Variants in EXT1 observed in about 807,000 individuals in gnomAD.
The protein encoded by EXT1 is exostosin glycosyltransferase 1.
In EXT1, 20 loss-of-function variants were observed where a neutral mutation model predicts 82.5. The ratio of observed to expected loss-of-function variants is 0.24; its 90% CI spans 0.17 to 0.35. EXT1 has a LOEUF of 0.35. EXT1 is among the 10% of genes least tolerant of loss of function. The pLI, the probability that EXT1 is intolerant of heterozygous loss-of-function variation, is 1.00. For synonymous variants in EXT1, 348 were observed against 350.8 expected (o/e 0.99, Z 0.09); for missense variants, 757 against 936.5 (o/e 0.81, Z 2.50).
intron 1 of EXT1, among the ~76,000 whole-genome samples, chr8:117,858,837 G>GA (rs1563582210): frequency 5.5e-4 from 30 of 54,938 alleles, no homozygotes; most frequent in African/African-American, 1.9e-3. Context: ...AGGAAGGAAG[G>GA]AAGGAAGGAA....
At chr8:117,834,076 C>T (rs1812145150) in intron 3 of EXT1, among the ~76,000 whole-genome samples, 2 of 152,132 alleles carry the variant, frequency 1.3e-5, no homozygotes, top group African/African-American at 4.8e-5. Flanking sequence ...ATAACTTATT[C>T]CCCCAAAAAC....
intron 1 of EXT1, among the ~76,000 whole-genome samples, chr8:117,989,562 C>T (rs555426252): frequency 1.4e-3 from 210 of 152,292 alleles, no homozygotes; most frequent in Non-Finnish European, 2.4e-3. Context: ...CTGTTCCTCT[C>T]ATGGGGAAGA....
At chr8:117,816,380 G>T (rs1000098910) in intron 7 of EXT1, among the ~76,000 whole-genome samples, 18 of 152,274 alleles carry the variant, frequency 1.2e-4, no homozygotes, top group African/African-American at 4.1e-4. Context: ...GATATGGAAT[G>T]GTCTTATTTA....
At chr8:117,994,423 G>C (rs1481131380) in intron 1 of EXT1, among the ~76,000 whole-genome samples, 1 of 152,116 alleles carries the variant, frequency 6.6e-6, no homozygotes. Flanking sequence ...AACAGCCTGA[G>C]CAACATGGCA....
rs562059316 is a variant in EXT1 at position 117,942,478 on chromosome 8, G to A, written c.963-105277C>T. Among the ~76,000 whole-genome samples the A allele has an allele frequency of 5.3e-5, 8 of 152,260 alleles. No individual in the cohort carries two copies. In the South Asian group the frequency reaches 1.5e-3, roughly 28 times the overall value. On this transcript the variant is annotated intron_variant, in intron 1 of 10. Transcript: ENST00000378204. ...TATAAACCTAGGACTTTGGGAGGCC[G>A]AGGTGGGCAGATCACCTGAGGTCGG...
chr8:117,873,078 CT>C (rs1019214902), intron 1 of EXT1, among the ~76,000 whole-genome samples: 3 of 152,046 alleles, frequency 2.0e-5, no homozygotes, highest in African/African-American at 7.2e-5. Context: ...GGGTGGAAAT[CT>C]TTTTTATAAA....
In EXT1 at chr8:117,801,431, T is replaced by C. The variant is rs138826860; in HGVS notation, c.2056-1534A>G. 8.5e-5 allele frequency among the ~76,000 whole-genome samples: 13 copies of C among 152,300 alleles called. No individual in the cohort carries two copies. In the East Asian group the frequency reaches 2.3e-3, roughly 27 times the overall value. On this transcript the variant is annotated intron_variant, in intron 10 of 10. Coordinates refer to ENST00000378204, the MANE Select transcript of EXT1 (RefSeq NM_000127.3). ...AAAGATATCAAATGGAGCTGACTGG[T>C]TGAGTTCATATCAGAGTAGACAATC...
In EXT1 at chr8:117,795,969, T is replaced by C. The variant is rs886473671; in HGVS notation, c.*3743A>G. On this transcript the variant is annotated 3_prime_UTR_variant, in exon 11 of 11. Transcript: ENST00000378204. The stretch of plus-strand genomic sequence containing the variant: ...AGCATGCCTGAGAAAATGAGGCTGA[T>C]AGTGAAAGAAATTTCTTGGTTAAAT... The C allele has an allele frequency of 7.2e-6, 1 of 139,146 alleles. No homozygotes were observed. The highest frequency in any genetic ancestry group is 2.5e-5 in the African/African-American group (1 of 40,114). 8.6% of individuals were successfully genotyped at this position (139,146 alleles called of 1,614,324 possible). A position where few individuals can be genotyped will look rare whatever the true frequency, so the allele number is the denominator to read the frequency against.
At chr8:117,868,107 CATTCATTCTTTTCTCCA>C (rs1388472713) in intron 1 of EXT1, among the ~76,000 whole-genome samples, 1 of 152,180 alleles carries the variant, frequency 6.6e-6, no homozygotes, top group Non-Finnish European at 1.5e-5. Context: ...CCAGCATGTT[CATTCATTCTTTTCTCCA>C]AGCAAATGAT....
At chr8:117,901,298 G>A (rs1413997172) in intron 1 of EXT1, among the ~76,000 whole-genome samples, 2 of 152,106 alleles carry the variant, frequency 1.3e-5, no homozygotes, top group Non-Finnish European at 2.9e-5. Flanking sequence ...ACATTACTAT[G>A]GGCAGTTGTA....
At chr8:118,035,607 C>T (rs1816405376) in intron 1 of EXT1, among the ~76,000 whole-genome samples, 2 of 152,048 alleles carry the variant, frequency 1.3e-5, no homozygotes, top group South Asian at 4.1e-4. Flanking sequence ...AACACACACA[C>T]ACACACACAC....
intron 1 of EXT1, among the ~76,000 whole-genome samples, chr8:118,076,341 T>C (rs1817208040): frequency 6.6e-6 from 1 of 152,270 alleles, no homozygotes; most frequent in Non-Finnish European, 1.5e-5. Context: ...TTTTGTACTT[T>C]CATTCTAGAG....
rs57727618 is a variant in EXT1, at chr8:117,814,234, G to GGTGTGTGTGTGTGTGT, written c.1633-1289_1633-1274dup. 2.8e-3 allele frequency among the ~76,000 whole-genome samples: 414 copies of GGTGTGTGTGTGTGTGT among 146,796 alleles called. 3 individuals carry two copies. The highest frequency in any genetic ancestry group is 9.1e-3 in the African/African-American group (365 of 40,050). On this transcript the variant is annotated intron_variant, in intron 7 of 10. Coordinates refer to ENST00000378204, the MANE Select transcript of EXT1 (RefSeq NM_000127.3). ...GGTGGACTACGTGTGCACACACAGT[G>GGTGTGTGTGTGTGTGT]GTGTGTGTGTGTGTGTGTGTGTGTG...
rs1415506390 is a variant in EXT1 at position 118,076,228 on chromosome 8, G to A, written c.962+33857C>T. The stretch of plus-strand genomic sequence containing the variant: ...CATGTACATGTAAGGTATCAACACC[G>A]ATAAGGTTTTGAGAAAGAATTTCAC... On this transcript the variant is annotated intron_variant, in intron 1 of 10. Coordinates refer to ENST00000378204, the MANE Select transcript of EXT1 (RefSeq NM_000127.3). 4.6e-5 allele frequency among the ~76,000 whole-genome samples: 7 copies of A among 152,150 alleles called. 1 individual carries two copies. The highest frequency in any genetic ancestry group is 2.6e-4 in the Admixed American group (4 of 15,282).
intron 1 of EXT1, among the ~76,000 whole-genome samples, chr8:117,842,865 C>T (rs904256211): frequency 6.6e-6 from 1 of 152,194 alleles, no homozygotes; most frequent in Non-Finnish European, 1.5e-5. Flanking sequence ...CTGTAGCACG[C>T]ATATTTGCCA....
At chr8:117,897,739 C>T (rs544243591) in intron 1 of EXT1, among the ~76,000 whole-genome samples, 89 of 151,756 alleles carry the variant, frequency 5.9e-4, no homozygotes, top group African/African-American at 2.0e-3. Context: ...GGATTACAGG[C>T]GCGTACAACC....
chr8:117,802,293 T>G (rs1486952700), intron 10 of EXT1, among the ~76,000 whole-genome samples: 1 of 152,190 alleles, frequency 6.6e-6, no homozygotes, highest in Non-Finnish European at 1.5e-5. Context: ...ACTTAGTGAG[T>G]GTTCTGAAGA....
intron 8 of EXT1, among the ~76,000 whole-genome samples, chr8:117,811,613 A>G (rs913248619): frequency 4.7e-5 from 7 of 149,710 alleles, no homozygotes; most frequent in Non-Finnish European, 8.9e-5. Flanking sequence ...GAAAGCATCT[A>G]TGGAATTTTT....
intron 3 of EXT1, among the ~76,000 whole-genome samples, chr8:117,832,966 A>G (rs1812126217): frequency 6.6e-6 from 1 of 152,246 alleles, no homozygotes; most frequent in African/African-American, 2.4e-5. Context: ...GGAATGCACC[A>G]GAATAGATAC....
Sources: allele counts gnomAD v4.1 joint callset (sites outside exome capture counted in the v4.1 genomes callset), GRCh38; gene constraint gnomAD v4.1.1; transcripts MANE v1.5; gene names NCBI Gene and HGNC (gene_info 2026-07-23, HGNC 2026-07-21).